The following GABRG3 variants were observed in gnomAD, a reference collection of about 807,000 sequenced individuals.
GABRG3 encodes gamma-aminobutyric acid type A receptor subunit gamma3, also known as gamma-aminobutyric acid receptor subunit gamma-3.
A neutral mutation model predicts 48.8 loss-of-function variants in GABRG3; 25 were observed. The observed-to-expected ratio is 0.51, with a 90% CI of 0.37 to 0.72. The LOEUF (loss-of-function observed/expected upper bound fraction) is 0.72. Ranked by LOEUF, GABRG3 falls within the 30% of genes least tolerant of loss-of-function variation. GABRG3 has a pLI of 0.00. For missense variants in GABRG3, 394 were observed against 577.9 expected (o/e 0.68, Z 3.26); for synonymous variants, 227 against 217.6 (o/e 1.04, Z -0.38).
At chr15:27,048,093 C>T (rs1896394351) in intron 3 of GABRG3, among the ~76,000 whole-genome samples, 1 of 152,136 alleles carries the variant, frequency 6.6e-6, no homozygotes, top group Non-Finnish European at 1.5e-5. Context: ...GCTCCATCCT[C>T]TTCCAGCCTG....
intron 3 of GABRG3, among the ~76,000 whole-genome samples, chr15:27,134,166 T>C (rs1897967242): frequency 6.6e-6 from 1 of 152,128 alleles, no homozygotes; most frequent in Non-Finnish European, 1.5e-5. Flanking sequence ...TTTAGGGAGT[T>C]ACGAATGTTA....
chr15:27,482,870 G>T (rs1162540636), intron 6 of GABRG3, among the ~76,000 whole-genome samples: 1 of 152,192 alleles, frequency 6.6e-6, no homozygotes, highest in Non-Finnish European at 1.5e-5. Context: ...GGTGGTCTCT[G>T]TCCATTATCG....
At chr15:27,218,787 T>C (rs1244275130) in intron 3 of GABRG3, among the ~76,000 whole-genome samples, 1 of 152,220 alleles carries the variant, frequency 6.6e-6, no homozygotes, top group Non-Finnish European at 1.5e-5. Flanking sequence ...CTGCGACTGA[T>C]GGTAATGGGT....
At chr15:27,132,574 G>A (rs1230570761) in intron 3 of GABRG3, among the ~76,000 whole-genome samples, 1 of 141,150 alleles carries the variant, frequency 7.1e-6, no homozygotes, top group East Asian at 2.2e-4. Flanking sequence ...TATTTCATCT[G>A]GGTTTTCTAT....
chr15:27,232,878 C>T (rs1889842951), intron 3 of GABRG3, among the ~76,000 whole-genome samples: 1 of 152,240 alleles, frequency 6.6e-6, no homozygotes, highest in South Asian at 2.1e-4. Context: ...ATCTCTTCTA[C>T]TACCTGTCCA....
At chr15:27,071,163 C>T (rs1009681760) in intron 3 of GABRG3, among the ~76,000 whole-genome samples, 7 of 152,162 alleles carry the variant, frequency 4.6e-5, no homozygotes, top group Non-Finnish European at 1.5e-5. Flanking sequence ...GTCACAACCC[C>T]TGGTCCCTGG....
At chr15:27,153,468 A>G (rs1363530032) in intron 3 of GABRG3, among the ~76,000 whole-genome samples, 1 of 152,106 alleles carries the variant, frequency 6.6e-6, no homozygotes, top group Non-Finnish European at 1.5e-5. Context: ...TGTTTTAGGT[A>G]CTTTGCTTTT....
intron 3 of GABRG3, among the ~76,000 whole-genome samples, chr15:27,315,273 A>G (rs996689890): frequency 6.6e-6 from 1 of 152,248 alleles, no homozygotes; most frequent in Non-Finnish European, 1.5e-5. Flanking sequence ...AACTACTTCA[A>G]AATTGTGCTG....
intron 3 of GABRG3, among the ~76,000 whole-genome samples, chr15:27,109,281 TAC>T (rs1897503353): frequency 2.6e-5 from 4 of 152,216 alleles, no homozygotes; most frequent in Admixed American, 2.6e-4. Context: ...CTGTTTCCCT[TAC>T]TATTAGTGTG....
At chr15:27,199,381 A>G (rs1888609054) in intron 3 of GABRG3, among the ~76,000 whole-genome samples, 1 of 152,162 alleles carries the variant, frequency 6.6e-6, no homozygotes, top group Non-Finnish European at 1.5e-5. Flanking sequence ...AGTATGAGCG[A>G]AAGAGAATGT....
chr15:26,991,142 G>A (rs1566902334), intron 2 of GABRG3, among the ~76,000 whole-genome samples: 1 of 152,088 alleles, frequency 6.6e-6, no homozygotes, highest in Admixed American at 6.6e-5. Context: ...TATGAATATC[G>A]AGTTTTCCTA....
Position 27,056,879 on chromosome 15 carries a change from G to A in GABRG3, c.270+30058G>A, listed in dbSNP as rs141121991. 6.7e-3 allele frequency among the ~76,000 whole-genome samples: 1,025 copies of A among 152,214 alleles called. 8 individuals are homozygous for A. The highest frequency in any genetic ancestry group is 0.022 in the African/African-American group (922 of 41,510). On this transcript the variant is annotated intron_variant, in intron 3 of 9. Transcript: ENST00000615808. The stretch of plus-strand genomic sequence containing the variant: ...TCTCTTGAGACCCAAGACTGTGATC[G>A]GGAAAAAGCACCTTCTCATCATCTA...
chr15:27,295,312 T>A (rs1891945293), intron 3 of GABRG3: 2 of 152,194 alleles, frequency 1.3e-5, no homozygotes. Context: ...TTCCTACTTC[T>A]CTCACTTTAA....
At chr15:27,218,059 G>T (rs1182897900) in intron 3 of GABRG3, among the ~76,000 whole-genome samples, 1 of 152,144 alleles carries the variant, frequency 6.6e-6, no homozygotes, top group Non-Finnish European at 1.5e-5. Flanking sequence ...TCCCAGGCTG[G>T]AGTGCAACTC....
chr15:27,118,910 G>A (rs1208933257), intron 3 of GABRG3, among the ~76,000 whole-genome samples: 2 of 152,078 alleles, frequency 1.3e-5, no homozygotes, highest in East Asian at 3.9e-4. Context: ...TTGACTGAGG[G>A]GATCAGTACA....
chr15:27,349,075 T>C (rs1313812030), intron 5 of GABRG3, among the ~76,000 whole-genome samples: 2 of 152,088 alleles, frequency 1.3e-5, no homozygotes, highest in African/African-American at 4.8e-5. Flanking sequence ...GACAAGGAAT[T>C]GTGAGCCACA....
intron 5 of GABRG3, among the ~76,000 whole-genome samples, chr15:27,464,141 A>G (rs1889533395): frequency 6.6e-6 from 1 of 152,158 alleles, no homozygotes; most frequent in Non-Finnish European, 1.5e-5. Context: ...ACCTTGGCAT[A>G]AAGGTGTACA....
In GABRG3 at chr15:27,471,197, G is replaced by A. The variant is rs188663287; in HGVS notation, c.575-9453G>A. On this transcript the variant is annotated intron_variant, in intron 5 of 9. Transcript: ENST00000615808. ...CTGATTAGTAGGGAATGAAATCATA[G>A]GGTTGTGGAAAGTGGTCCTCCTAGG... Among the ~76,000 whole-genome samples, 1,010 of 152,278 alleles carry A rather than the reference G, an allele frequency of 6.6e-3. 6 individuals are homozygous for A. Among genetic ancestry groups the A allele is most frequent in the Admixed American group, 9.6e-3 (147 of 15,294 alleles).
chr15:27,493,427 T>G (rs980793962), intron 6 of GABRG3, among the ~76,000 whole-genome samples: 1 of 152,184 alleles, frequency 6.6e-6, no homozygotes, highest in Non-Finnish European at 1.5e-5. Context: ...TAGACCAGTA[T>G]GCAGATAGAA....
Sources: allele counts gnomAD v4.1 joint callset (sites outside exome capture counted in the v4.1 genomes callset), GRCh38; gene constraint gnomAD v4.1.1; transcripts MANE v1.5; gene names NCBI Gene and HGNC (gene_info 2026-07-23, HGNC 2026-07-21).